Variants in PLIN3 observed in about 807,000 individuals in gnomAD.
The protein encoded by PLIN3 is perilipin-3.
PLIN3 carries 30 observed loss-of-function variants against 35.9 expected under a neutral mutation model. The observed-to-expected ratio is 0.84, with a 90% CI of 0.62 to 1.13. The LOEUF (loss-of-function observed/expected upper bound fraction) is 1.13. PLIN3 is among the 50% of genes most tolerant of loss of function. PLIN3 has a pLI of 0.00. For synonymous variants in PLIN3, 261 were observed against 262.5 expected (o/e 0.99, Z 0.06); for missense variants, 603 against 596.9 (o/e 1.01, Z -0.11).
At position 4,839,216 on chromosome 19, in the gene PLIN3, C is replaced by A. The variant is rs1353829271; in HGVS notation, c.1281G>T (p.Glu427Asp). The change falls in exon 8 of 8, where the codon GAG becomes GAT. Residue 427 changes from glutamate (E) to aspartate (D), a missense_variant. By Grantham distance (45) the Glu-to-Asp change is conservative. Coordinates refer to ENST00000221957, the MANE Select transcript of PLIN3 (RefSeq NM_005817.5). ...LVGPFAPGIT[E>D]KAPEEKK ...CCTACTTCTTCTCCTCCGGGGCTTT[C>A]TCAGTGATTCCAGGGGCAAAGGGTC... 3.7e-6 allele frequency: 6 copies of A among 1,607,392 alleles called. No individual in the cohort carries two copies. The East Asian group carries it at 1.1e-4, about 30-fold the overall frequency.
chr19:4,847,186 C>A (rs1277075854), intron 6 of PLIN3, among the ~76,000 whole-genome samples: 1 of 102,148 alleles, frequency 9.8e-6, no homozygotes, highest in Non-Finnish European at 1.9e-5. Flanking sequence ...CCGCACCTGG[C>A]CACGATTTTT....
intron 1 of PLIN3, among the ~76,000 whole-genome samples, chr19:4,862,095 C>G (rs113836235): frequency 2.6e-5 from 4 of 151,318 alleles, no homozygotes; most frequent in African/African-American, 7.3e-5. Flanking sequence ...CACACCACCA[C>G]GCCTACTTAA....
chr19:4,849,767 C>T (rs1181279662), intron 5 of PLIN3, among the ~76,000 whole-genome samples: 1 of 152,008 alleles, frequency 6.6e-6, no homozygotes, highest in Non-Finnish European at 1.5e-5. Context: ...ATTCTCCTGC[C>T]TTAGCCTCCT....
At chr19:4,862,384 G>A (rs866570758) in intron 1 of PLIN3, among the ~76,000 whole-genome samples, 10 of 151,882 alleles carry the variant, frequency 6.6e-5, no homozygotes, top group Non-Finnish European at 1.3e-4. Context: ...CGCCCGCCTC[G>A]GCCTCCCAAA....
In PLIN3 at chr19:4,847,898, G is replaced by T; in HGVS notation, c.635-8C>A. On this transcript the variant is annotated splice_region_variant and splice_polypyrimidine_tract_variant and intron_variant, in intron 5 of 7. Coordinates refer to ENST00000221957, the MANE Select transcript of PLIN3 (RefSeq NM_005817.5). ...GGGATGTGGCGATGCGGGCTGCAAG[G>T]AAAAGGAGAAGGGTCTCTGTGAAGA... The T allele has an allele frequency of 6.2e-7, 1 of 1,609,306 alleles. No individual in the cohort carries two copies. Among genetic ancestry groups the T allele is most frequent in the South Asian group, 1.1e-5 (1 of 90,566 alleles).
chr19:4,851,939 A>G (rs1164731323), intron 5 of PLIN3, 77 bp downstream of exon 5: 2 of 1,458,802 alleles, frequency 1.4e-6, no homozygotes, highest in Non-Finnish European at 1.9e-6. Context: ...GTCGGCACAG[A>G]CCCCAGGAGG....
rs888843093 is a variant in PLIN3, at chr19:4,839,519, C to T, written c.978G>A (p.Ala326=). The T allele has an allele frequency of 1.6e-5, 24 of 1,529,112 alleles. No homozygotes were observed. Among genetic ancestry groups the T allele is most frequent in the Non-Finnish European group, 2.0e-5 (23 of 1,134,170 alleles). The allele number at this position is 1,529,112 out of a possible 1,614,324, so 94.7% of individuals were successfully genotyped here. A position where few individuals can be genotyped will look rare whatever the true frequency, so the allele number is the denominator to read the frequency against. Residue 326 remains alanine, a synonymous_variant, in exon 8 of 8, where the codon GCG becomes GCA. Coordinates refer to ENST00000221957, the MANE Select transcript of PLIN3 (RefSeq NM_005817.5). ...PPKPEQVESR[A]LTMFRDIAQQ... Reference sequence around the variant, plus strand: ...GGGCAATGTCCCGGAACATGGTGAGCGCCCGGGACTCGACCTGCTGAGAAG... The same window carrying T: ...GGGCAATGTCCCGGAACATGGTGAGTGCCCGGGACTCGACCTGCTGAGAAG...
Position 4,852,134 on chromosome 19 carries a change from G to T in PLIN3, c.516C>A (p.Gly172=). 1 of 1,613,982 alleles carries T rather than the reference G, an allele frequency of 6.2e-7. No homozygotes were observed. Among genetic ancestry groups the T allele is most frequent in the East Asian group, 2.2e-5 (1 of 44,878 alleles). ...VDKTKSVVTG[G]VQSVMGSRLG... is the part of the protein sequence containing the mutation. ...AGCGGGAGCCCATGACCGATTGGAC[G>T]CCGCCGGTCACTACGGACTTTGTCT... The change falls in exon 5 of 8, where the codon GGC becomes GGA. Residue 172 remains glycine (G), a synonymous_variant. Coordinates refer to ENST00000221957, the MANE Select transcript of PLIN3 (RefSeq NM_005817.5).
chr19:4,865,446 A>C (rs2030815319), intron 1 of PLIN3, among the ~76,000 whole-genome samples: 1 of 149,276 alleles, frequency 6.7e-6, no homozygotes, highest in Non-Finnish European at 1.5e-5. Flanking sequence ...TCGAGATCGC[A>C]CCACTGCACT....
rs1400760921 is a variant in PLIN3, at chr19:4,867,630, G to A, written c.-39C>T. 1.3e-5 allele frequency: 2 copies of A among 152,146 alleles called. No homozygotes were observed. Among genetic ancestry groups the A allele is most frequent in the African/African-American group, 4.8e-5 (2 of 41,414 alleles). The allele number at this position is 152,146 out of a possible 1,614,324, so 9.4% of individuals were successfully genotyped here. On this transcript the variant is annotated 5_prime_UTR_variant, in exon 1 of 8. Transcript: ENST00000221957. ...TCACCGCGGTCAACCGGACGTCCCA[G>A]GAACAGCTGCCGCGACTTCAAAACC...
At chr19:4,843,359 T>G (rs1042329647) in intron 7 of PLIN3, among the ~76,000 whole-genome samples, 17 of 151,238 alleles carry the variant, frequency 1.1e-4, no homozygotes, top group Non-Finnish European at 2.2e-4. Context: ...ACAAAAAAAA[T>G]TAGCTGGGCC....
intron 1 of PLIN3, among the ~76,000 whole-genome samples, chr19:4,865,744 G>A (rs1200675484): frequency 6.5e-5 from 8 of 122,988 alleles, no homozygotes; most frequent in African/African-American, 2.4e-4. Context: ...TTTTTTTTGA[G>A]ACGGAGTCTC....
intron 7 of PLIN3, 23 bp downstream of exon 7, chr19:4,844,645 C>G (rs1294563423): frequency 6.7e-7 from 1 of 1,500,542 alleles, no homozygotes; most frequent in African/African-American, 1.9e-5. Context: ...CCCTAGGCCA[C>G]CCCCCAGTCC....
intron 1 of PLIN3, among the ~76,000 whole-genome samples, chr19:4,863,855 AAC>A (rs2030756200): frequency 6.6e-6 from 1 of 151,794 alleles, no homozygotes; most frequent in African/African-American, 2.4e-5. Context: ...AACAAAACAA[AAC>A]AAACAAAAGA....
chr19:4,853,825 A>AAAAC (rs933215106), intron 4 of PLIN3, among the ~76,000 whole-genome samples: 1 of 151,924 alleles, frequency 6.6e-6, no homozygotes. Flanking sequence ...AAAAAAAACA[A>AAAAC]AAACAAACAA....
chr19:4,860,706 C>T (rs2602723), intron 2 of PLIN3, among the ~76,000 whole-genome samples: 83,121 of 151,844 alleles, frequency 0.55, 23,311 homozygotes, highest in Non-Finnish European at 0.61. Flanking sequence ...AGCAGTGGCT[C>T]ACGCCTGTAA....
intron 5 of PLIN3, among the ~76,000 whole-genome samples, chr19:4,850,569 C>T (rs927384327): frequency 4.0e-5 from 6 of 151,200 alleles, no homozygotes; most frequent in Non-Finnish European, 7.4e-5. Context: ...TACAGGCACC[C>T]GCCACCACGC....
In PLIN3 at chr19:4,851,215, C is replaced by T. The variant is rs1163611602; in HGVS notation, c.634+801G>A. ...GGCATGGTGGCTCACACCTGTAATC[C>T]CAGTACTTGGGGAGGCCGAGGTGGG... On this transcript the variant is annotated intron_variant, in intron 5 of 7. Transcript: ENST00000221957. Among the ~76,000 whole-genome samples the T allele has an allele frequency of 5.3e-5, 8 of 151,968 alleles. No individual in the cohort carries two copies. In the East Asian group the frequency reaches 1.5e-3, roughly 29 times the overall value.
intron 7 of PLIN3, among the ~76,000 whole-genome samples, chr19:4,840,940 G>T (rs1279394800): frequency 6.6e-6 from 1 of 152,030 alleles, no homozygotes; most frequent in South Asian, 2.1e-4. Flanking sequence ...GCGAGACTCT[G>T]TCTCAAAAAC....
Sources: allele counts gnomAD v4.1 joint callset (sites outside exome capture counted in the v4.1 genomes callset), GRCh38; gene constraint gnomAD v4.1.1; transcripts MANE v1.5; gene names NCBI Gene and HGNC (gene_info 2026-07-23, HGNC 2026-07-21).